The following ACVR2A variants were observed in gnomAD, a reference collection of about 807,000 sequenced individuals.
ACVR2A encodes activin A receptor type 2A, also known as activin receptor type-2A.
Under a neutral mutation model 61.4 loss-of-function variants are expected in ACVR2A, and 7 were observed. The observed-to-expected ratio is 0.11, with a 90% CI of 0.06 to 0.21. ACVR2A has a LOEUF of 0.21. Ranked by LOEUF, ACVR2A falls within the 10% of genes least tolerant of loss-of-function variation. The pLI, the probability that ACVR2A is intolerant of heterozygous loss-of-function variation, is 1.00. For missense variants in ACVR2A, 322 were observed against 621.7 expected (o/e 0.52, Z 5.13); for synonymous variants, 193 against 208.3 (o/e 0.93, Z 0.63).
At chr2:147,916,111 A>T (rs1240069442) in intron 5 of ACVR2A, among the ~76,000 whole-genome samples, 2 of 151,872 alleles carry the variant, frequency 1.3e-5, no homozygotes, top group Admixed American at 1.3e-4. Flanking sequence ...GTCTTAATAT[A>T]CCTAGATTTT....
At chr2:147,849,567 T>C (rs1685398800) in intron 1 of ACVR2A, among the ~76,000 whole-genome samples, 1 of 152,216 alleles carries the variant, frequency 6.6e-6, no homozygotes, top group Non-Finnish European at 1.5e-5. Context: ...TGCAGATCGT[T>C]TCCCTTTTTA....
intron 1 of ACVR2A, among the ~76,000 whole-genome samples, chr2:147,884,901 C>G (rs1686391223): frequency 6.6e-6 from 1 of 152,058 alleles, no homozygotes; most frequent in South Asian, 2.1e-4. Context: ...GACTTCCAAA[C>G]CTCTCCTGGC....
At chr2:147,890,084 C>A (rs1274638491) in intron 1 of ACVR2A, among the ~76,000 whole-genome samples, 1 of 151,992 alleles carries the variant, frequency 6.6e-6, no homozygotes, top group African/African-American at 2.4e-5. Flanking sequence ...AAACAGATTC[C>A]AGATTCAGGC....
rs1050037289 is a variant in ACVR2A, at chr2:147,929,147, C to G, written c.*1873C>G. The G allele has an allele frequency of 6.6e-6, 1 of 152,272 alleles. No individual in the cohort carries two copies. Among genetic ancestry groups the G allele is most frequent in the Non-Finnish European group, 1.5e-5 (1 of 67,942 alleles). 9.4% of individuals were successfully genotyped at this position (152,272 alleles called of 1,614,324 possible). ...TGCTGCAGACCATTCAGAACTGTCA[C>G]GTGTGTCCCCATGGTCTCATTCATT... On this transcript the variant is annotated 3_prime_UTR_variant, in exon 11 of 11. Coordinates refer to ENST00000241416, the MANE Select transcript of ACVR2A (RefSeq NM_001616.5).
At chr2:147,857,353 C>A (rs939700869) in intron 1 of ACVR2A, among the ~76,000 whole-genome samples, 1 of 151,892 alleles carries the variant, frequency 6.6e-6, no homozygotes, top group Non-Finnish European at 1.5e-5. Context: ...TCTAGCCTTG[C>A]ATCTGTGATG....
intron 4 of ACVR2A, among the ~76,000 whole-genome samples, chr2:147,914,112 A>G (rs887401726): frequency 6.6e-6 from 1 of 151,978 alleles, no homozygotes; most frequent in African/African-American, 2.4e-5. Flanking sequence ...GAAGAGAGAA[A>G]AAGAAAGGCA....
At chr2:147,916,204 A>AT (rs559330269) in intron 5 of ACVR2A, among the ~76,000 whole-genome samples, 6 of 150,748 alleles carry the variant, frequency 4.0e-5, no homozygotes, top group South Asian at 2.1e-4. Context: ...ACTGTATTAC[A>AT]TTTTTTTTTG....
At chr2:147,914,647 C>T (rs892305140) in intron 4 of ACVR2A, among the ~76,000 whole-genome samples, 1 of 151,866 alleles carries the variant, frequency 6.6e-6, no homozygotes, top group Non-Finnish European at 1.5e-5. Flanking sequence ...TTACATATTT[C>T]CTGTATGTGC....
chr2:147,917,991 T>A (rs1393412707), intron 6 of ACVR2A, among the ~76,000 whole-genome samples: 2 of 151,972 alleles, frequency 1.3e-5, no homozygotes, highest in African/African-American at 2.4e-5. Flanking sequence ...AGTGGTTCTT[T>A]TACTTCTCTT....
chr2:147,902,716 T>C (rs1454961090), intron 4 of ACVR2A: 1 of 151,958 alleles, frequency 6.6e-6, no homozygotes, highest in Non-Finnish European at 1.5e-5. Flanking sequence ...TGTGCTTGAG[T>C]TGATACTGCC....
At chr2:147,874,985 T>C (rs1177697942) in intron 1 of ACVR2A, among the ~76,000 whole-genome samples, 1 of 152,002 alleles carries the variant, frequency 6.6e-6, no homozygotes, top group African/African-American at 2.4e-5. Context: ...AAATTTCCTG[T>C]CCACCAAATT....
chr2:147,897,830 T>A (rs1043098310), intron 2 of ACVR2A, among the ~76,000 whole-genome samples: 1 of 152,214 alleles, frequency 6.6e-6, no homozygotes, highest in East Asian at 1.9e-4. Context: ...TATGTACTTA[T>A]ATATTTTAGC....
chr2:147,853,501 G>A (rs1000095860), intron 1 of ACVR2A, among the ~76,000 whole-genome samples: 2 of 151,992 alleles, frequency 1.3e-5, no homozygotes, highest in East Asian at 1.9e-4. Flanking sequence ...TGGTATTCAC[G>A]CTTGAAACCT....
At chr2:147,871,543 A>G (rs1686018704) in intron 1 of ACVR2A, among the ~76,000 whole-genome samples, 1 of 152,138 alleles carries the variant, frequency 6.6e-6, no homozygotes, top group African/African-American at 2.4e-5. Context: ...ACATTTTTAT[A>G]TCAGATATAT....
rs1687630643 is a variant in ACVR2A at position 147,930,072 on chromosome 2, A to G, written c.*2798A>G. ...TGTGATTCTTGTTTGAATTCTAGGTACCTTGTGAATTCCAGAAAAAGAGAC... is the reference window on the plus strand; with the variant it reads ...TGTGATTCTTGTTTGAATTCTAGGTGCCTTGTGAATTCCAGAAAAAGAGAC... On this transcript the variant is annotated 3_prime_UTR_variant, in exon 11 of 11. Transcript: ENST00000241416. 6.6e-6 allele frequency: 1 copy of G among 152,428 alleles called. No homozygotes were observed. Among genetic ancestry groups the G allele is most frequent in the African/African-American group, 2.4e-5 (1 of 41,398 alleles). The allele number at this position is 152,428 out of a possible 1,614,324, so 9.4% of individuals were successfully genotyped here.
At chr2:147,913,764 T>C (rs1487274414) in intron 4 of ACVR2A, among the ~76,000 whole-genome samples, 2 of 138,436 alleles carry the variant, frequency 1.4e-5, no homozygotes, top group African/African-American at 5.5e-5. Context: ...CCCGTCACTC[T>C]GCTAAACAGA....
At chr2:147,912,138 T>C (rs1272029769) in intron 4 of ACVR2A, among the ~76,000 whole-genome samples, 2 of 151,974 alleles carry the variant, frequency 1.3e-5, no homozygotes, top group Non-Finnish European at 2.9e-5. Context: ...GAGATGACTT[T>C]GTAGCTTCCC....
At chr2:147,855,691 T>TA (rs377351487) in intron 1 of ACVR2A, among the ~76,000 whole-genome samples, 64 of 148,886 alleles carry the variant, frequency 4.3e-4, no homozygotes, top group South Asian at 1.9e-3. Flanking sequence ...TGTCATTGCT[T>TA]AAAAAAAAAA....
At position 147,929,562 on chromosome 2, in the gene ACVR2A, CTAT is replaced by C. The variant is rs1207944554; in HGVS notation, c.*2294_*2296del. 7.2e-5 allele frequency: 11 copies of C among 152,284 alleles called. No individual in the cohort carries two copies. The South Asian group carries it at 8.3e-4, about 11-fold the overall frequency. 9.4% of individuals were successfully genotyped at this position (152,284 alleles called of 1,614,324 possible). The stretch of plus-strand genomic sequence containing the variant: ...TTTAAAACTTGTATTCTTTTGAGAA[CTAT>C]TATTAATAGAAAAACTTTTTATAAG... On this transcript the variant is annotated 3_prime_UTR_variant, in exon 11 of 11. Coordinates refer to ENST00000241416, the MANE Select transcript of ACVR2A (RefSeq NM_001616.5).
Sources: allele counts gnomAD v4.1 joint callset (sites outside exome capture counted in the v4.1 genomes callset), GRCh38; gene constraint gnomAD v4.1.1; transcripts MANE v1.5; gene names NCBI Gene and HGNC (gene_info 2026-07-23, HGNC 2026-07-21).